HJURP: variants seen among roughly 807,000 people sequenced by gnomAD.
HJURP encodes the protein 14-3-3-associated AKT substrate.
HJURP carries 49 observed loss-of-function variants against 72.0 expected under a neutral mutation model. That is an observed-to-expected ratio of 0.68 (90% CI 0.54 to 0.86). The LOEUF is 0.86. Among genes scored for constraint, HJURP ranks in the 40% least tolerant of loss-of-function variants. The pLI, the probability that HJURP is intolerant of heterozygous loss-of-function variation, is 0.00. For synonymous variants in HJURP, 357 were observed against 347.1 expected (o/e 1.03, Z -0.32); for missense variants, 908 against 936.3 (o/e 0.97, Z 0.39).
Position 233,854,391 on chromosome 2 carries a change from A to C in HJURP, c.110T>G (p.Ile37Arg), listed in dbSNP as rs368017908. 20 of 1,590,794 alleles carry C rather than the reference A, an allele frequency of 1.3e-5. No homozygotes were observed. Among genetic ancestry groups the C allele is most frequent in the Non-Finnish European group, 1.5e-5 (18 of 1,170,474 alleles). ...RRFQRRMQRL[I>R]EKYNQPFEDT... Reference sequence around the variant, plus strand: ...GACCGGCGGGGGCCGCACCTTCTCTATCAGCCGCTGCATGCGCCTCTGGAA... The same window carrying C: ...GACCGGCGGGGGCCGCACCTTCTCTCTCAGCCGCTGCATGCGCCTCTGGAA... Residue 37 changes from isoleucine (I) to arginine (R), a missense_variant, in exon 1 of 9, where the codon ATA becomes AGA. This residue lies in a region of HJURP where 299 missense variants were observed against 286.7 expected (regional missense o/e 1.04). Coordinates refer to ENST00000411486, the MANE Select transcript of HJURP (RefSeq NM_018410.5).
rs1290599056 is a variant in HJURP at position 233,837,314 on chromosome 2, AAAT to A, written c.*260_*262del. On this transcript the variant is annotated 3_prime_UTR_variant, in exon 9 of 9. Transcript: ENST00000411486. Reference sequence around the variant, plus strand: ...CAAACAAACAAACAAACAAACAAACAAATAACCCCCCCCCAAAAAAAACACACA... The same window carrying A: ...CAAACAAACAAACAAACAAACAAACAAACCCCCCCCCAAAAAAAACACACA... The A allele has an allele frequency of 1.0e-5, 3 of 290,924 alleles. No homozygotes were observed. Among genetic ancestry groups the A allele is most frequent in the Non-Finnish European group, 1.3e-5 (2 of 158,628 alleles). The allele number at this position is 290,924 out of a possible 1,614,324, so 18.0% of individuals were successfully genotyped here. A position where few individuals can be genotyped will look rare whatever the true frequency, so the allele number is the denominator to read the frequency against.
intron 8 of HJURP, 68 bp downstream of exon 8, chr2:233,840,541 A>G (rs1425168065): frequency 4.8e-6 from 7 of 1,463,426 alleles, no homozygotes; most frequent in African/African-American, 4.3e-5. Context: ...GATTCCTACC[A>G]TAAAAAGCCT....
Position 233,853,884 on chromosome 2 carries a change from C to A in HJURP, c.144G>T (p.Pro48=), listed in dbSNP as rs1214261230. ...AGGTCAGCGTGGCCATTTGCACCAC[C>A]GGGGTGTCCTCGAAGGGCTGGTTGT... The part of the protein sequence containing the change: ...EKYNQPFEDT[P]VVQMATLTYE... Residue 48 remains proline, a synonymous_variant, in exon 2 of 9, where the codon CCG becomes CCT. Transcript: ENST00000411486. 6.2e-7 allele frequency: 1 copy of A among 1,613,954 alleles called. No individual in the cohort carries two copies. The highest frequency in any genetic ancestry group is 2.2e-5 in the East Asian group (1 of 44,884).
In HJURP at chr2:233,837,505, A is replaced by G. The variant is rs1202979103; in HGVS notation, c.*72T>C. 1.3e-5 allele frequency: 14 copies of G among 1,072,584 alleles called. No homozygotes were observed. Among genetic ancestry groups the G allele is most frequent in the Non-Finnish European group, 1.9e-5 (13 of 695,586 alleles). 66.4% of individuals were successfully genotyped at this position (1,072,584 alleles called of 1,614,324 possible). A position where few individuals can be genotyped will look rare whatever the true frequency, so the allele number is the denominator to read the frequency against. On this transcript the variant is annotated 3_prime_UTR_variant, in exon 9 of 9. Transcript: ENST00000411486. The stretch of plus-strand genomic sequence containing the variant: ...AGTCAACCAAGTCCTCACAGTCTCA[A>G]GAATCAAAAACAAAACAAAAATACA...
chr2:233,839,435 C>T (rs764229666), intron 8 of HJURP, among the ~76,000 whole-genome samples: 101 of 152,332 alleles, frequency 6.6e-4, no homozygotes, highest in South Asian at 8.3e-4. Flanking sequence ...GGCTGTCCTA[C>T]GGCAGACCCT....
chr2:233,845,536 C>T (rs138990883), intron 6 of HJURP, among the ~76,000 whole-genome samples, 192 bp downstream of exon 6: 136 of 152,266 alleles, frequency 8.9e-4, no homozygotes, highest in African/African-American at 3.2e-3. Context: ...ATGGCGCTGC[C>T]CTGGGGGACC....
At position 233,841,078 on chromosome 2, in the gene HJURP, C is replaced by T. The variant is rs1298361809; in HGVS notation, c.1702G>A (p.Glu568Lys). Reference protein sequence around the residue: ...PSKTLSVPDKEVPGHGRNRYD... With the variant: ...PSKTLSVPDKKVPGHGRNRYD... The stretch of plus-strand genomic sequence containing the variant: ...CGATTCCTTCCGTGGCCTGGCACTT[C>T]TTTATCTGGGACTGAAAGAGTTTTG... Residue 568 changes from glutamate (E) to lysine (K), a missense_variant, in exon 8 of 9, where the codon GAA (glutamate) becomes AAA (lysine). Coordinates refer to ENST00000411486, the MANE Select transcript of HJURP (RefSeq NM_018410.5). 1.2e-6 allele frequency: 2 copies of T among 1,614,166 alleles called. No homozygotes were observed. Among genetic ancestry groups the T allele is most frequent in the South Asian group, 2.2e-5 (2 of 91,078 alleles).
chr2:233,844,377 T>TCTTA lies in HJURP; in HGVS notation c.496-98_496-95dup. ...CTCCCCTGACGATGCGGACTGTGCA[T>TCTTA]CTTAGCACAGCCATGTCGACAAGCG... is the stretch of plus-strand genomic sequence containing the variant. On this transcript the variant is annotated intron_variant, in intron 6 of 8. Coordinates refer to ENST00000411486, the MANE Select transcript of HJURP (RefSeq NM_018410.5). 4 of 877,340 alleles carry TCTTA rather than the reference T, an allele frequency of 4.6e-6. No individual in the cohort carries two copies. In the South Asian group the frequency reaches 5.5e-5, roughly 12 times the overall value. 54.3% of individuals were successfully genotyped at this position (877,340 alleles called of 1,614,324 possible). A position where few individuals can be genotyped will look rare whatever the true frequency, so the allele number is the denominator to read the frequency against.
In HJURP at chr2:233,841,161, G is replaced by T. The variant is rs1705217090; in HGVS notation, c.1619C>A (p.Ser540Tyr). ...ACTATTTCCCTGAACGTGAAGGTCA[G>T]ATGTCTGCTGCGGGCGAGTTGCGCT... Reference protein sequence around the residue: ...THSATRPQQTSDLHVQGNSSG... With the variant: ...THSATRPQQTYDLHVQGNSSG... The change falls in exon 8 of 9, where the codon TCT becomes TAT. Residue 540 changes from serine (S) to tyrosine (Y), a missense_variant. By Grantham distance (144) the Ser-to-Tyr change is moderately radical. Coordinates refer to ENST00000411486, the MANE Select transcript of HJURP (RefSeq NM_018410.5). 1 of 1,614,206 alleles carries T rather than the reference G, an allele frequency of 6.2e-7. No homozygotes were observed. The highest frequency in any genetic ancestry group is 8.5e-7 in the Non-Finnish European group (1 of 1,180,034).
At position 233,836,963 on chromosome 2, in the gene HJURP, G is replaced by A. The variant is rs1705079201; in HGVS notation, c.*614C>T. On this transcript the variant is annotated 3_prime_UTR_variant, in exon 9 of 9. Coordinates refer to ENST00000411486, the MANE Select transcript of HJURP (RefSeq NM_018410.5). Reference sequence around the variant, plus strand: ...TTCTCGAATGAAATGGGAAACAGGAGAGAGGATTCTCTGGACATATCTAAA... The same window carrying A: ...TTCTCGAATGAAATGGGAAACAGGAAAGAGGATTCTCTGGACATATCTAAA... 1 of 152,300 alleles carries A rather than the reference G, an allele frequency of 6.6e-6. No individual in the cohort carries two copies. Among genetic ancestry groups the A allele is most frequent in the South Asian group, 2.1e-4 (1 of 4,838 alleles). 9.4% of individuals were successfully genotyped at this position (152,300 alleles called of 1,614,324 possible). A position where few individuals can be genotyped will look rare whatever the true frequency, so the allele number is the denominator to read the frequency against.
Position 233,837,319 on chromosome 2 carries a change from A to AC in HJURP, c.*257dup, listed in dbSNP as rs1405223769. On this transcript the variant is annotated 3_prime_UTR_variant, in exon 9 of 9. Coordinates refer to ENST00000411486, the MANE Select transcript of HJURP (RefSeq NM_018410.5). ...AAACAAACAAACAAACAAACAAATAACCCCCCCCCAAAAAAAACACACACA... is the reference window on the plus strand; with the variant it reads ...AAACAAACAAACAAACAAACAAATAACCCCCCCCCCAAAAAAAACACACACA... 2,026 of 276,466 alleles carry AC rather than the reference A, an allele frequency of 7.3e-3. 29 individuals carry two copies. Among genetic ancestry groups the AC allele is most frequent in the African/African-American group, 0.028 (1,014 of 36,520 alleles). 17.1% of individuals were successfully genotyped at this position (276,466 alleles called of 1,614,324 possible).
chr2:233,848,022 G>C (rs1203549611), intron 4 of HJURP, among the ~76,000 whole-genome samples: 2 of 152,134 alleles, frequency 1.3e-5, no homozygotes, highest in Admixed American at 1.3e-4. Flanking sequence ...TTAAAATCTG[G>C]ATTAATAGCA....
chr2:233,848,468 G>A (rs771153433), intron 4 of HJURP, among the ~76,000 whole-genome samples: 4 of 152,326 alleles, frequency 2.6e-5, no homozygotes, highest in South Asian at 2.1e-4. Flanking sequence ...TCAGTGGGGC[G>A]GAGGGAGCCC....
In HJURP at chr2:233,840,755, G is replaced by A. The variant is rs149244873; in HGVS notation, c.2025C>T (p.Asp675=). ...ARAITRDGTR[D]HQFPAKRPRL... ...TGGGTCTTTTTGCAGGGAACTGATG[G>A]TCCCTCGTGCCATCCCTCGTGATGG... The change falls in exon 8 of 9, where the codon GAC becomes GAT. Residue 675 remains aspartate, a synonymous_variant. Transcript: ENST00000411486. The A allele has an allele frequency of 2.5e-5, 40 of 1,613,874 alleles. No individual in the cohort carries two copies. The African/African-American group carries it at 4.8e-4, about 19-fold the overall frequency.
chr2:233,852,071 G>A (rs1469998887), intron 3 of HJURP, among the ~76,000 whole-genome samples: 1 of 152,254 alleles, frequency 6.6e-6, no homozygotes, highest in African/African-American at 2.4e-5. Flanking sequence ...AGGCAGGGAA[G>A]CCAGGGTCTT....
intron 6 of HJURP, among the ~76,000 whole-genome samples, chr2:233,845,347 T>A (rs987774003): frequency 6.6e-6 from 1 of 152,160 alleles, no homozygotes; most frequent in African/African-American, 2.4e-5. Context: ...AGATGAGATT[T>A]CACCATGTTG....
At chr2:233,844,072 C>CT in intron 7 of HJURP, 133 bp downstream of exon 7, 1 of 684,742 alleles carries the variant, frequency 1.5e-6, no homozygotes, top group South Asian at 1.8e-5. Flanking sequence ...AAGTATATCT[C>CT]TAACAAGTTA....
chr2:233,837,650 C>A lies in HJURP; in HGVS notation c.2174G>T (p.Gly725Val). The A allele has an allele frequency of 1.3e-6, 2 of 1,585,384 alleles. No individual in the cohort carries two copies. Among genetic ancestry groups the A allele is most frequent in the South Asian group, 1.2e-5 (1 of 86,032 alleles). Residue 725 changes from glycine (G) to valine (V), a missense_variant and splice_region_variant, in exon 9 of 9, where the codon GGA (glycine) becomes GTA (valine). Physicochemically the swap from Gly to Val is moderately radical, Grantham distance 109 (BLOSUM62 -3). Transcript: ENST00000411486. Reference sequence around the variant, plus strand: ...TTCCATCCTGTAAGACGTGTTCTCTCCTCTAGGAAAAAAAAAAGACAAAGA... The same window carrying A: ...TTCCATCCTGTAAGACGTGTTCTCTACTCTAGGAAAAAAAAAAGACAAAGA... ...SSSQPNSEERGENTSYRMEEK... is the reference protein window; with the variant it reads ...SSSQPNSEERVENTSYRMEEK...
At chr2:233,840,521 G>A (rs928569018) in intron 8 of HJURP, 88 bp downstream of exon 8, 6 of 1,325,198 alleles carry the variant, frequency 4.5e-6, no homozygotes, top group African/African-American at 1.5e-5. Flanking sequence ...TTCACTAAAC[G>A]TGGCGCAAAG....
Sources: gnomAD v4.1 joint callset for allele counts (sites outside exome capture counted in the v4.1 genomes callset) on GRCh38, gnomAD v4.1.1 for gene constraint, gnomAD v4.1.1 regional missense constraint, MANE v1.5 for transcripts, NCBI Gene and HGNC (gene_info 2026-07-23, HGNC 2026-07-21) for gene names.